EYS: variants seen among roughly 807,000 people sequenced by gnomAD.
EYS encodes the protein EGF-like photoreceptor maintenance factor.
A neutral mutation model predicts 282.1 loss-of-function variants in EYS; 250 were observed. That is an observed-to-expected ratio of 0.89 (90% CI 0.80 to 0.98). The LOEUF is 0.98. EYS is among the 50% of genes least tolerant of loss of function. EYS has a pLI of 0.00. For missense variants in EYS, 4,016 were observed against 3,709.0 expected, an observed-to-expected ratio of 1.08 and a Z score of -2.15; for synonymous variants, 1,355 against 1,282.9, an observed-to-expected ratio of 1.06 and a Z score of -1.20.
chr6:63,766,889 T>C (rs755234820), intron 40 of EYS, among the ~76,000 whole-genome samples: 4 of 152,024 alleles, frequency 2.6e-5, no homozygotes, highest in Non-Finnish European at 5.9e-5. Flanking sequence ...AAGAATCCAC[T>C]TTTATAAGCT....
chr6:64,063,829 A>G (rs1228637184), intron 33 of EYS, among the ~76,000 whole-genome samples: 1 of 152,034 alleles, frequency 6.6e-6, no homozygotes, highest in Admixed American at 6.5e-5. Context: ...CTGGGTTCAA[A>G]GGGGATTCTC....
At chr6:63,734,524 A>G (rs1375125933) in intron 41 of EYS, among the ~76,000 whole-genome samples, 28 of 152,146 alleles carry the variant, frequency 1.8e-4, no homozygotes, top group Non-Finnish European at 2.9e-5. Flanking sequence ...TTATTACTAT[A>G]ATACTGGTAA....
At chr6:64,925,416 G>A (rs139310927) in intron 15 of EYS, among the ~76,000 whole-genome samples, 10 of 138,730 alleles carry the variant, frequency 7.2e-5, no homozygotes, top group South Asian at 4.7e-4. Flanking sequence ...TTGGTTATAC[G>A]TAGTCTTCAT....
chr6:65,581,120 C>A (rs1005546760), intron 2 of EYS, among the ~76,000 whole-genome samples: 2 of 151,954 alleles, frequency 1.3e-5, no homozygotes, highest in Admixed American at 1.3e-4. Flanking sequence ...ATGGCTTAAT[C>A]AAAGAAACTG....
chr6:64,173,076 C>A (rs779991797), intron 31 of EYS, among the ~76,000 whole-genome samples: 4 of 152,148 alleles, frequency 2.6e-5, no homozygotes, highest in African/African-American at 4.8e-5. Flanking sequence ...AGGAACACTA[C>A]ACGGATAAAT....
chr6:64,653,381 C>A (rs775909931), intron 22 of EYS, among the ~76,000 whole-genome samples: 1 of 152,052 alleles, frequency 6.6e-6, no homozygotes, highest in African/African-American at 2.4e-5. Context: ...ATAGATACCT[C>A]TATGTTCATG....
At chr6:63,744,038 T>C (rs1453059415) in intron 41 of EYS, 1 of 152,230 alleles carries the variant, frequency 6.6e-6, no homozygotes, top group Non-Finnish European at 1.5e-5. Flanking sequence ...TTTTAGGTTT[T>C]GAAAATAGTG....
At chr6:63,864,532 G>T (rs1390105351) in intron 35 of EYS, among the ~76,000 whole-genome samples, 174 bp from the exon 36 acceptor site, 1 of 152,062 alleles carries the variant, frequency 6.6e-6, no homozygotes, top group Non-Finnish European at 1.5e-5. Context: ...ATTTGTAGCT[G>T]TGTGCTTTCC....
chr6:64,724,660 G>C (rs1771691957), intron 22 of EYS, among the ~76,000 whole-genome samples: 1 of 152,120 alleles, frequency 6.6e-6, no homozygotes, highest in South Asian at 2.1e-4. Context: ...CTTTAGAAAG[G>C]TATCAGAATA....
intron 2 of EYS, among the ~76,000 whole-genome samples, chr6:65,627,736 C>T (rs561583325): frequency 3.3e-5 from 5 of 152,312 alleles, no homozygotes; most frequent in East Asian, 3.9e-4. Context: ...GCCAGCCCAC[C>T]GATGCTGCGC....
chr6:64,743,986 T>G (rs1002182229), intron 22 of EYS, among the ~76,000 whole-genome samples: 5 of 152,150 alleles, frequency 3.3e-5, no homozygotes, highest in Non-Finnish European at 5.9e-5. Flanking sequence ...CTATAATGCA[T>G]AGATGACTCT....
rs1375386409 is a variant in EYS, at chr6:64,912,488, T to C, written c.2637A>G (p.Arg879=). The change falls in exon 16 of 43, where the codon AGA becomes AGG. Residue 879 remains arginine, a synonymous_variant. Transcript: ENST00000503581. ...LVDANQHCIC[R]EEFEGKNCEI... Reference sequence around the variant, plus strand: ...AAAATCCATATTAGCTCTTACCTTCTCTACAAATACAATGCTGATTTGCGT... The same window carrying C: ...AAAATCCATATTAGCTCTTACCTTCCCTACAAATACAATGCTGATTTGCGT... 1.9e-6 allele frequency: 3 copies of C among 1,550,754 alleles called. No homozygotes were observed. Among genetic ancestry groups the C allele is most frequent in the African/African-American group, 2.7e-5 (2 of 73,030 alleles).
At chr6:64,654,431 G>C (rs1339598034) in intron 22 of EYS, among the ~76,000 whole-genome samples, 1 of 152,122 alleles carries the variant, frequency 6.6e-6, no homozygotes, top group East Asian at 1.9e-4. Context: ...AAAATGTATG[G>C]TTAGTCTTAT....
intron 30 of EYS, among the ~76,000 whole-genome samples, chr6:64,296,587 TATATATATATA>T (rs1769024404): frequency 2.8e-4 from 1 of 3,524 alleles, no homozygotes; most frequent in African/African-American, 8.2e-4. Context: ...TATATATACA[TATATATATATA>T]TTTTTTTTTT....
chr6:65,318,324 A>G (rs562179748), intron 11 of EYS, among the ~76,000 whole-genome samples: 1 of 151,978 alleles, frequency 6.6e-6, no homozygotes, highest in Non-Finnish European at 1.5e-5. Context: ...AGAGAGAACA[A>G]GAGAGCTCAA....
At chr6:65,009,907 G>C (rs1174628601) in intron 13 of EYS, among the ~76,000 whole-genome samples, 1 of 152,186 alleles carries the variant, frequency 6.6e-6, no homozygotes, top group Non-Finnish European at 1.5e-5. Context: ...CAACTAAGAG[G>C]TTCCTTGGCA....
At chr6:65,391,435 C>G (rs1296953213) in intron 7 of EYS, among the ~76,000 whole-genome samples, 2 of 152,022 alleles carry the variant, frequency 1.3e-5, no homozygotes, top group Non-Finnish European at 2.9e-5. Context: ...TGTCTCAGCC[C>G]AAAACCTCCT....
chr6:64,648,755 A>T (rs1768444831), intron 22 of EYS, among the ~76,000 whole-genome samples: 1 of 152,318 alleles, frequency 6.6e-6, no homozygotes, highest in Middle Eastern at 3.4e-3. Flanking sequence ...TTAGGAATGG[A>T]TTCTGGAGGG....
At chr6:65,418,193 A>T (rs1238532160) in intron 5 of EYS, among the ~76,000 whole-genome samples, 1 of 152,110 alleles carries the variant, frequency 6.6e-6, no homozygotes, top group Non-Finnish European at 1.5e-5. Flanking sequence ...AATAAATTCA[A>T]GTATTCCTAG....
Sources: allele counts gnomAD v4.1 joint callset (sites outside exome capture counted in the v4.1 genomes callset), GRCh38; gene constraint gnomAD v4.1.1; transcripts MANE v1.5; gene names NCBI Gene and HGNC (gene_info 2026-07-23, HGNC 2026-07-21).